Variants in CCDC178 observed in about 807,000 individuals in gnomAD.
The protein encoded by CCDC178 is coiled-coil domain containing 178, also known as coiled-coil domain-containing protein 178.
Under a neutral mutation model 117.4 loss-of-function variants are expected in CCDC178, and 126 were observed. The ratio of observed to expected loss-of-function variants is 1.07; its 90% CI spans 0.93 to 1.24. The LOEUF is 1.24. Among genes scored for constraint, CCDC178 ranks in the 50% most tolerant of loss-of-function variants. CCDC178 has a pLI of 0.00. For missense variants in CCDC178, 1,030 were observed against 986.9 expected (o/e 1.04, Z -0.59); for synonymous variants, 283 against 313.4 (o/e 0.90, Z 1.02).
At chr18:33,402,406 A>C (rs2063720878) in intron 3 of CCDC178, among the ~76,000 whole-genome samples, 1 of 152,186 alleles carries the variant, frequency 6.6e-6, no homozygotes, top group Admixed American at 6.6e-5. Flanking sequence ...AGGTCAACAG[A>C]GCCTTGAAAA....
chr18:33,198,268 G>GTCTC (rs141603978), intron 20 of CCDC178, among the ~76,000 whole-genome samples: 2 of 151,808 alleles, frequency 1.3e-5, no homozygotes, highest in Non-Finnish European at 2.9e-5. Context: ...GCCTCTCTCT[G>GTCTC]TCTCTCTCTC....
chr18:33,043,048 C>T (rs1033132825), intron 21 of CCDC178, among the ~76,000 whole-genome samples: 11 of 151,848 alleles, frequency 7.2e-5, no homozygotes, highest in Non-Finnish European at 1.5e-4. Flanking sequence ...GCACTGATTA[C>T]TTAATTTTCA....
At chr18:32,950,118 G>A (rs2054447846) in intron 22 of CCDC178, among the ~76,000 whole-genome samples, 1 of 152,096 alleles carries the variant, frequency 6.6e-6, no homozygotes, top group African/African-American at 2.4e-5. Context: ...AGAAAACTTG[G>A]GTAGTTTTCT....
Position 32,997,886 on chromosome 18 carries a change from C to T in CCDC178, c.2389-23205G>A, listed in dbSNP as rs1477456739. On this transcript the variant is annotated intron_variant, in intron 21 of 22. Coordinates refer to ENST00000383096, the MANE Select transcript of CCDC178 (RefSeq NM_001105528.4). ...ATCAACCATTTTATTCATTTTTATA[C>T]TATCCAAAATAAATAGGTGGAAAGG... Among the ~76,000 whole-genome samples, 5 of 152,052 alleles carry T rather than the reference C, an allele frequency of 3.3e-5. No homozygotes were observed. The South Asian group carries it at 8.3e-4, about 25-fold the overall frequency.
intron 21 of CCDC178, among the ~76,000 whole-genome samples, chr18:32,989,201 T>C (rs1387076659): frequency 6.6e-6 from 1 of 152,198 alleles, no homozygotes; most frequent in African/African-American, 2.4e-5. Context: ...TAAACTTATG[T>C]GCAAAATATA....
At chr18:33,374,811 T>A (rs1366018525) in intron 5 of CCDC178, among the ~76,000 whole-genome samples, 1 of 152,220 alleles carries the variant, frequency 6.6e-6, no homozygotes, top group Non-Finnish European at 1.5e-5. Context: ...ACTACTGATA[T>A]ATGAAACAGC....
intron 21 of CCDC178, among the ~76,000 whole-genome samples, chr18:33,018,414 G>GGTAC (rs1451561798): frequency 6.6e-6 from 1 of 151,946 alleles, no homozygotes; most frequent in Non-Finnish European, 1.5e-5. Context: ...TTTACTCTGA[G>GGTAC]GTACACATTC....
chr18:33,243,526 T>C (rs758993623), intron 15 of CCDC178, among the ~76,000 whole-genome samples: 58 of 151,852 alleles, frequency 3.8e-4, no homozygotes, highest in Non-Finnish European at 7.5e-4. Flanking sequence ...ACAATTATTA[T>C]ATGTCAATTT....
At chr18:33,368,714 C>T (rs535759354) in intron 6 of CCDC178, among the ~76,000 whole-genome samples, 2 of 152,002 alleles carry the variant, frequency 1.3e-5, no homozygotes, top group East Asian at 3.9e-4. Flanking sequence ...TTGTTTTAAA[C>T]TACTATTTCC....
At chr18:33,277,284 T>C (rs765389928) in intron 12 of CCDC178, among the ~76,000 whole-genome samples, 3 of 152,122 alleles carry the variant, frequency 2.0e-5, no homozygotes, top group South Asian at 4.1e-4. Flanking sequence ...ATTTACTTCA[T>C]AAACCAAATA....
At chr18:33,319,858 T>C (rs1186643875) in intron 11 of CCDC178, among the ~76,000 whole-genome samples, 2 of 152,134 alleles carry the variant, frequency 1.3e-5, no homozygotes, top group African/African-American at 2.4e-5. Context: ...TGTCTGTTCA[T>C]ATCCTTTGCC....
chr18:33,273,430 C>A (rs1432308551), intron 12 of CCDC178, among the ~76,000 whole-genome samples: 1 of 151,482 alleles, frequency 6.6e-6, no homozygotes, highest in Admixed American at 6.6e-5. Flanking sequence ...GATTTAAACA[C>A]TTAATATTAT....
At chr18:33,026,043 G>T (rs537503911) in intron 21 of CCDC178, among the ~76,000 whole-genome samples, 1 of 151,996 alleles carries the variant, frequency 6.6e-6, no homozygotes, top group East Asian at 1.9e-4. Flanking sequence ...AAAAAAAAAT[G>T]GAATAAACTA....
intron 6 of CCDC178, among the ~76,000 whole-genome samples, chr18:33,364,946 C>T (rs1465737895): frequency 2.0e-5 from 3 of 151,934 alleles, no homozygotes; most frequent in African/African-American, 7.2e-5. Context: ...CAGTACCATT[C>T]AGCAGACCAG....
In CCDC178 at chr18:33,199,414, A is replaced by C. The variant is rs889487659; in HGVS notation, c.2238+12482T>G. On this transcript the variant is annotated intron_variant, in intron 20 of 22. Transcript: ENST00000383096. ...GGTACTCAGTCTTCTCTTCCTGTCT[A>C]TCTCTTGTTCCACCTATCATACTCT... Among the ~76,000 whole-genome samples, 9 of 152,228 alleles carry C rather than the reference A, an allele frequency of 5.9e-5. No homozygotes were observed. In the East Asian group the frequency reaches 1.7e-3, roughly 29 times the overall value.
chr18:33,405,705 T>C (rs1222942437), intron 3 of CCDC178, among the ~76,000 whole-genome samples: 1 of 151,956 alleles, frequency 6.6e-6, no homozygotes, highest in African/African-American at 2.4e-5. Context: ...CACTAGAAAG[T>C]AGATGTAGTA....
rs149758702 is a variant in CCDC178 at position 32,977,855 on chromosome 18, C to T, written c.2389-3174G>A. On this transcript the variant is annotated intron_variant, in intron 21 of 22. Coordinates refer to ENST00000383096, the MANE Select transcript of CCDC178 (RefSeq NM_001105528.4). ...ACACCTATGAACAAAGATTTGTTTG[C>T]CAAAGAAAATAATAAATTAATACTA... Among the ~76,000 whole-genome samples the T allele has an allele frequency of 2.3e-3, 349 of 152,026 alleles. 1 individual carries two copies. The highest frequency in any genetic ancestry group is 7.2e-3 in the African/African-American group (300 of 41,432).
chr18:33,016,435 T>TG (rs1240021840), intron 21 of CCDC178, among the ~76,000 whole-genome samples: 5 of 151,694 alleles, frequency 3.3e-5, no homozygotes, highest in Non-Finnish European at 7.4e-5. Context: ...ATCCACATTA[T>TG]GAAAAAAAAG....
At chr18:33,025,645 C>T (rs1029196903) in intron 21 of CCDC178, among the ~76,000 whole-genome samples, 12 of 152,186 alleles carry the variant, frequency 7.9e-5, no homozygotes, top group African/African-American at 2.9e-4. Flanking sequence ...TGAAGAGATG[C>T]CCAACATCAT....
Sources: allele counts gnomAD v4.1 joint callset (sites outside exome capture counted in the v4.1 genomes callset), GRCh38; gene constraint gnomAD v4.1.1; transcripts MANE v1.5; gene names NCBI Gene and HGNC (gene_info 2026-07-23, HGNC 2026-07-21).